Variants in DHX34 observed in about 807,000 individuals in gnomAD.
DHX34 encodes the protein DExH-box helicase 34, also known as probable ATP-dependent RNA helicase DHX34.
Under a neutral mutation model 111.1 loss-of-function variants are expected in DHX34, and 96 were observed. The ratio of observed to expected loss-of-function variants is 0.86; its 90% CI spans 0.73 to 1.02. The LOEUF is 1.02. Ranked by LOEUF, DHX34 falls within the 50% of genes least tolerant of loss-of-function variation. DHX34 has a pLI of 0.00. For missense variants in DHX34, 1,560 were observed against 1,579.9 expected, an observed-to-expected ratio of 0.99 and a Z score of 0.21; for synonymous variants, 688 against 670.4, an observed-to-expected ratio of 1.03 and a Z score of -0.41.
intron 11 of DHX34, 154 bp from the exon 12 acceptor site, chr19:47,376,289 T>C (rs1325758796): frequency 1.3e-6 from 2 of 1,488,548 alleles, no homozygotes; most frequent in Non-Finnish European, 1.8e-6. Flanking sequence ...TCAAGAGCAC[T>C]ATAGGAGCCC....
chr19:47,368,831 A>G (rs1969883431), intron 7 of DHX34, among the ~76,000 whole-genome samples: 2 of 152,008 alleles, frequency 1.3e-5, no homozygotes, highest in Non-Finnish European at 2.9e-5. Context: ...CTCCTGCCTC[A>G]GCCTCCTGAG....
At chr19:47,377,340 C>G (rs1024431794) in intron 13 of DHX34, 134 bp downstream of exon 13, 241 of 902,382 alleles carry the variant, frequency 2.7e-4, no homozygotes, top group Non-Finnish European at 3.7e-4. Flanking sequence ...AGCCTTGGGC[C>G]GTTGCTGTGG....
chr19:47,381,075 TC>T, intron 15 of DHX34, 83 bp downstream of exon 15: 1 of 1,550,884 alleles, frequency 6.4e-7, no homozygotes, highest in Non-Finnish European at 8.7e-7. Context: ...GGGACATAGT[TC>T]CCAAGTGGGG....
chr19:47,372,479 G>A, intron 7 of DHX34: 1 of 452,812 alleles, frequency 2.2e-6, no homozygotes. Context: ...TATCTCCTGT[G>A]TGTCCAAGGA....
Position 47,373,701 on chromosome 19 carries a change from G to T in DHX34, c.2064+1G>T. 1 of 1,613,108 alleles carries T rather than the reference G, an allele frequency of 6.2e-7. No individual in the cohort carries two copies. On this transcript the variant is annotated splice_donor_variant, in intron 9 of 16. Transcript: ENST00000328771. LOFTEE classifies it high-confidence loss of function. Reference sequence around the variant, plus strand: ...GGCCAACCTTCGGCGCCAGTTCAAGGTGAGGCTCGGGAGGAGGGGTAAGGC... The same window carrying T: ...GGCCAACCTTCGGCGCCAGTTCAAGTTGAGGCTCGGGAGGAGGGGTAAGGC...
In DHX34 at chr19:47,379,638, C is replaced by T. The variant is rs114433882; in HGVS notation, c.2707-72C>T. ...GCTGGTGGGTGGGCAGGAGCCCAGCCGGGCAGGGCCTGTCTCCAATAGCGC... is the reference window on the plus strand; with the variant it reads ...GCTGGTGGGTGGGCAGGAGCCCAGCTGGGCAGGGCCTGTCTCCAATAGCGC... On this transcript the variant is annotated intron_variant, in intron 13 of 16. Coordinates refer to ENST00000328771, the MANE Select transcript of DHX34 (RefSeq NM_014681.6). The T allele has an allele frequency of 5.8e-4, 878 of 1,514,952 alleles. 5 individuals are homozygous for T. In the African/African-American group the frequency reaches 0.011, roughly 19 times the overall value. 93.8% of individuals were successfully genotyped at this position (1,514,952 alleles called of 1,614,324 possible). A position where few individuals can be genotyped will look rare whatever the true frequency, so the allele number is the denominator to read the frequency against.
chr19:47,366,233 T>C (rs1969781472), intron 6 of DHX34, among the ~76,000 whole-genome samples: 1 of 152,198 alleles, frequency 6.6e-6, no homozygotes, highest in African/African-American at 2.4e-5. Context: ...CAGCCCTCCT[T>C]GCCTGCCTCT....
chr19:47,376,253 A>G lies in DHX34; in HGVS notation c.2481+156A>G, dbSNP rs1599774165. 6 of 1,428,170 alleles carry G rather than the reference A, an allele frequency of 4.2e-6. No homozygotes were observed. The East Asian group carries it at 1.2e-4, about 30-fold the overall frequency. 88.5% of individuals were successfully genotyped at this position (1,428,170 alleles called of 1,614,324 possible). A position where few individuals can be genotyped will look rare whatever the true frequency, so the allele number is the denominator to read the frequency against. ...GGGAGGACAGACCCATCCCCAGACA[A>G]CCCAGAGTGGGCAGGGCTTGGGGAG... On this transcript the variant is annotated intron_variant, in intron 11 of 16. Transcript: ENST00000328771.
Position 47,376,443 on chromosome 19 carries a change from AT to A in DHX34, c.2486del (p.Phe829SerfsTer44), listed in dbSNP as rs1342827459. 1 of 1,611,258 alleles carries A rather than the reference AT, an allele frequency of 6.2e-7. No homozygotes were observed. ...FNSSRKDSDQ[I>X]FHTQAKQGAV... ...TGTGCTTTCTCTCTGTCCTCCGCAGATTTTCCACACGCAGGCCAAGCAGGGC... is the reference window on the plus strand; with the variant it reads ...TGTGCTTTCTCTCTGTCCTCCGCAGATTTCCACACGCAGGCCAAGCAGGGC... On this transcript the variant is annotated frameshift_variant and splice_region_variant, in exon 12 of 17. Transcript: ENST00000328771. LOFTEE classifies it high-confidence loss of function.
Position 47,358,068 on chromosome 19 carries a change from G to A in DHX34, c.1220G>A (p.Arg407His), listed in dbSNP as rs749308881. The A allele has an allele frequency of 3.5e-5, 57 of 1,613,018 alleles. No individual in the cohort carries two copies. Among genetic ancestry groups the A allele is most frequent in the Admixed American group, 1.7e-4 (10 of 59,994 alleles). The stretch of plus-strand genomic sequence containing the variant: ...CAGACCTATGCCAGCCACACCCAGC[G>A]CTGGGTGGTACTGCCACTGCACAGC... Reference protein sequence around the residue: ...AAQTYASHTQRWVVLPLHSAL... With the variant: ...AAQTYASHTQHWVVLPLHSAL... The change falls in exon 4 of 17, where the codon CGC becomes CAC. Residue 407 changes from arginine (R) to histidine (H), a missense_variant. By Grantham distance (29) the Arg-to-His change is conservative. Coordinates refer to ENST00000328771, the MANE Select transcript of DHX34 (RefSeq NM_014681.6).
chr19:47,379,836 C>A lies in DHX34; in HGVS notation c.2833C>A (p.Arg945=), dbSNP rs146592126. 2.1e-5 allele frequency: 34 copies of A among 1,613,776 alleles called. No homozygotes were observed. The highest frequency in any genetic ancestry group is 1.7e-4 in the Middle Eastern group (1 of 6,006). Residue 945 remains arginine, a synonymous_variant, in exon 14 of 17, where the codon CGG becomes AGG. Coordinates refer to ENST00000328771, the MANE Select transcript of DHX34 (RefSeq NM_014681.6). ...CATCCGACTCCTGGCGGCTTCCCTGCGGCTCCGTGCCCGCTGGGAAAGTGC... is the reference window on the plus strand; with the variant it reads ...CATCCGACTCCTGGCGGCTTCCCTGAGGCTCCGTGCCCGCTGGGAAAGTGC... ...SAIRLLAASL[R]LRARWESALD... is the part of the protein sequence containing the mutation.
chr19:47,361,289 C>G (rs1376648530), intron 5 of DHX34, among the ~76,000 whole-genome samples: 1 of 151,400 alleles, frequency 6.6e-6, no homozygotes, highest in Non-Finnish European at 1.5e-5. Flanking sequence ...GAAACTCCGC[C>G]CCTACTAAAA....
At position 47,353,035 on chromosome 19, in the gene DHX34, C is replaced by T. The variant is rs373323381; in HGVS notation, c.5C>T (p.Pro2Leu). The T allele has an allele frequency of 1.9e-6, 3 of 1,608,998 alleles. No individual in the cohort carries two copies. Among genetic ancestry groups the T allele is most frequent in the Non-Finnish European group, 2.6e-6 (3 of 1,175,946 alleles). Residue 2 changes from proline (P) to leucine (L), a missense_variant, in exon 2 of 17, where the codon CCT becomes CTT. By Grantham distance (98) the Pro-to-Leu change is moderately conservative. Coordinates refer to ENST00000328771, the MANE Select transcript of DHX34 (RefSeq NM_014681.6). This position sits in a 1 kb window ranked among gnomAD's most constrained non-coding sequence, Gnocchi z 4.6. ...CTCCTATTGTGGATTAGTAACATGC[C>T]TCCTCCTAGAACAAGGGAGGGCAGG... M[P>L]PPRTREGRDR...
At chr19:47,359,277 C>T (rs560465136) in intron 4 of DHX34, among the ~76,000 whole-genome samples, 150 of 152,236 alleles carry the variant, frequency 9.9e-4, no homozygotes, top group Middle Eastern at 6.8e-3. Context: ...TCCTAGGCAA[C>T]ACAGTGAGAC....
chr19:47,368,750 G>T (rs1969881144), intron 7 of DHX34, among the ~76,000 whole-genome samples: 1 of 150,834 alleles, frequency 6.6e-6, no homozygotes, highest in African/African-American at 2.4e-5. Flanking sequence ...GTCTCGCTCT[G>T]TTGCCCAGGC....
chr19:47,350,110 T>C (rs1439013098), intron 1 of DHX34, among the ~76,000 whole-genome samples: 1 of 152,130 alleles, frequency 6.6e-6, no homozygotes, highest in East Asian at 1.9e-4. Context: ...GTCTGTGTGT[T>C]AATGTGAGTA....
At chr19:47,362,402 A>G in intron 5 of DHX34, 74 bp from the exon 6 acceptor site, 1 of 1,418,762 alleles carries the variant, frequency 7.0e-7, no homozygotes, top group South Asian at 1.6e-5. Flanking sequence ...TTGGCGAGTG[A>G]CAAGAGCCAG....
chr19:47,375,669 C>T lies in DHX34; in HGVS notation c.2268C>T (p.Gly756=). ...DGGSSDEDRA[G]PAPPGASDGV... ...GCTCCAGTGACGAGGACAGGGCTGG[C>T]CCAGCCCCCCCAGGGGCCAGTGATG... Residue 756 remains glycine (G), a synonymous_variant, in exon 10 of 17, where the codon GGC becomes GGT. Coordinates refer to ENST00000328771, the MANE Select transcript of DHX34 (RefSeq NM_014681.6). 6.4e-7 allele frequency: 1 copy of T among 1,556,382 alleles called. No homozygotes were observed. The highest frequency in any genetic ancestry group is 8.7e-7 in the Non-Finnish European group (1 of 1,154,598).
Position 47,379,474 on chromosome 19 carries a change from G to A in DHX34, c.2707-236G>A, listed in dbSNP as rs143182483. Reference sequence around the variant, plus strand: ...AATGCAGCTGTCTCTCTCCCAGCACGCTCCCATCTGCCGCCCCGCCACCCC... The same window carrying A: ...AATGCAGCTGTCTCTCTCCCAGCACACTCCCATCTGCCGCCCCGCCACCCC... On this transcript the variant is annotated intron_variant, in intron 13 of 16. Coordinates refer to ENST00000328771, the MANE Select transcript of DHX34 (RefSeq NM_014681.6). 1.8e-3 allele frequency: 758 copies of A among 429,238 alleles called. 4 individuals carry two copies. The highest frequency in any genetic ancestry group is 0.014 in the African/African-American group (629 of 46,468). 26.6% of individuals were successfully genotyped at this position (429,238 alleles called of 1,614,324 possible). A position where few individuals can be genotyped will look rare whatever the true frequency, so the allele number is the denominator to read the frequency against.
Sources: allele counts gnomAD v4.1 joint callset (sites outside exome capture counted in the v4.1 genomes callset), GRCh38; gene constraint gnomAD v4.1.1; non-coding constraint Gnocchi (gnomAD v3.1); transcripts MANE v1.5; gene names NCBI Gene and HGNC (gene_info 2026-07-23, HGNC 2026-07-21).